The following GATA3 variants were observed in gnomAD, a reference collection of about 807,000 sequenced individuals.
GATA3 encodes GATA binding protein 3.
GATA3 carries 6 observed loss-of-function variants against 36.0 expected under a neutral mutation model. That is an observed-to-expected ratio of 0.17 (90% confidence interval 0.09 to 0.33). The LOEUF (loss-of-function observed/expected upper bound fraction) is 0.33. Ranked by LOEUF, GATA3 falls within the 10% of genes least tolerant of loss-of-function variation. The pLI, the probability that GATA3 is intolerant of heterozygous loss-of-function variation, is 1.00. For missense variants in GATA3, 514 were observed against 610.1 expected (o/e 0.84, Z 1.66); for synonymous variants, 326 against 273.0 (o/e 1.19, Z -1.92).
In GATA3 at chr10:8,074,076, C is replaced by A. The variant is rs1034868505; in HGVS notation, c.*53C>A. 6.3e-7 allele frequency: 1 copy of A among 1,587,038 alleles called. No homozygotes were observed. Among genetic ancestry groups the A allele is most frequent in the South Asian group, 1.1e-5 (1 of 89,084 alleles). Reference sequence around the variant, plus strand: ...CAGCGAGAGTCCCTGCAGTCCCTTTCGACTTGCATTTTTGCAGGAGCAGTA... The same window carrying A: ...CAGCGAGAGTCCCTGCAGTCCCTTTAGACTTGCATTTTTGCAGGAGCAGTA... On this transcript the variant is annotated 3_prime_UTR_variant, in exon 6 of 6. Transcript: ENST00000379328.
chr10:8,061,710 C>T (rs1183147009), intron 3 of GATA3, among the ~76,000 whole-genome samples: 3 of 152,208 alleles, frequency 2.0e-5, no homozygotes, highest in South Asian at 2.1e-4. Context: ...AAGAGGTAAC[C>T]GTTGCTAGCT....
At chr10:8,057,943 C>CCA (rs1169612106) in intron 2 of GATA3, among the ~76,000 whole-genome samples, 1 of 152,168 alleles carries the variant, frequency 6.6e-6, no homozygotes, top group Non-Finnish European at 1.5e-5. Flanking sequence ...AAGTCAGGTT[C>CCA]TAGAGAGAGA....
In GATA3 at chr10:8,058,503, G is replaced by A. The variant is rs1166016520; in HGVS notation, c.440G>A (p.Ser147Asn). 36 of 1,612,072 alleles carry A rather than the reference G, an allele frequency of 2.2e-5. No homozygotes were observed. In the East Asian group the frequency reaches 8.0e-4, roughly 36 times the overall value. ...SSSSLSGGHA[S>N]PHLFTFPPTP... is the part of the protein sequence containing the mutation. ...TCCTCCTTGTCGGGGGGCCACGCCA[G>A]CCCGCACCTCTTCACCTTCCCGCCC... Residue 147 changes from serine to asparagine, a missense_variant, in exon 3 of 6, where the codon AGC becomes AAC. Physicochemically the swap from Ser to Asn is conservative, Grantham distance 46. Transcript: ENST00000379328.
At position 8,055,942 on chromosome 10, in the gene GATA3, G is replaced by T; in HGVS notation, c.241+46G>T. 5.2e-6 allele frequency: 8 copies of T among 1,549,396 alleles called. No homozygotes were observed. Among genetic ancestry groups the T allele is most frequent in the Non-Finnish European group, 6.1e-6 (7 of 1,146,144 alleles). On this transcript the variant is annotated intron_variant, in intron 2 of 5. Transcript: ENST00000379328. The surrounding 1 kb of genome is among the most constrained non-coding windows in gnomAD (Gnocchi z 5.4). ...GGGGCTCCCGCCGGCCGCTTCAGCCGTCCCGGCTCGGGGAGGTCGGGAGGG... is the reference window on the plus strand; with the variant it reads ...GGGGCTCCCGCCGGCCGCTTCAGCCTTCCCGGCTCGGGGAGGTCGGGAGGG...
chr10:8,056,966 C>T (rs1272366815), intron 2 of GATA3, among the ~76,000 whole-genome samples: 1 of 152,194 alleles, frequency 6.6e-6, no homozygotes, highest in East Asian at 1.9e-4. Flanking sequence ...TCAGAGCCTG[C>T]CTTGACACGG....
intron 2 of GATA3, among the ~76,000 whole-genome samples, chr10:8,056,920 G>A (rs1832649432): frequency 6.6e-6 from 1 of 152,176 alleles, no homozygotes; most frequent in Non-Finnish European, 1.5e-5. Context: ...GGCTTTCTGA[G>A]TCCAGCCAGA....
intron 1 of GATA3, among the ~76,000 whole-genome samples, chr10:8,047,636 A>C (rs1239080499): frequency 6.6e-6 from 1 of 152,226 alleles, no homozygotes; most frequent in Non-Finnish European, 1.5e-5. Context: ...GCAGCGGGCA[A>C]GAAGCTGCTG....
At chr10:8,049,013 G>C (rs962489664), upstream of GATA3, among the ~76,000 whole-genome samples, 1 of 152,046 alleles carries the variant, frequency 6.6e-6, no homozygotes, top group African/African-American at 2.4e-5. Flanking sequence ...CTCTCCCCAC[G>C]GCTCGCGGCT....
Position 8,063,911 on chromosome 10 carries a change from G to T in GATA3, c.779-82G>T, listed in dbSNP as rs35566387. On this transcript the variant is annotated intron_variant, in intron 3 of 5. Coordinates refer to ENST00000379328, the MANE Select transcript of GATA3 (RefSeq NM_001002295.2). The stretch of plus-strand genomic sequence containing the variant: ...GAAGGAAAAAAGTTCTCCATTTTAC[G>T]TTTCTCCCCCAGTTCCAAATGCTGT... 270 of 1,597,222 alleles carry T rather than the reference G, an allele frequency of 1.7e-4. 2 individuals carry two copies. The Admixed American group carries it at 4.0e-3, about 23-fold the overall frequency.
At chr10:8,052,754 T>C (rs916916080), upstream of GATA3, 1 of 152,138 alleles carries the variant, frequency 6.6e-6, no homozygotes, top group East Asian at 1.9e-4. Flanking sequence ...TTAAAAGGTT[T>C]AGAGAGCGCT....
chr10:8,058,866 C>A (rs1257235979), intron 3 of GATA3, 25 bp downstream of exon 3: 2 of 1,596,424 alleles, frequency 1.3e-6, no homozygotes, highest in East Asian at 2.2e-5. Context: ...TTCCCTGGAG[C>A]CTTTTCTCCT....
Position 8,055,704 on chromosome 10 carries a change from G to C in GATA3, c.49G>C (p.Ala17Pro). The C allele has an allele frequency of 1.3e-6, 2 of 1,562,632 alleles. No individual in the cohort carries two copies. Among genetic ancestry groups the C allele is most frequent in the African/African-American group, 1.4e-5 (1 of 73,796 alleles). Residue 17 changes from alanine (A) to proline (P), a missense_variant, in exon 2 of 6, where the codon GCC becomes CCC. Ala to Pro is a conservative substitution (Grantham distance 27). This residue lies in a region of GATA3 where 381 missense variants were observed against 354.3 expected (regional missense o/e 1.08). Transcript: ENST00000379328. The surrounding 1 kb of genome is among the most constrained non-coding windows in gnomAD (Gnocchi z 5.4). Reference protein sequence around the residue: ...QPRWVSHHHPAVLNGQHPDTH... With the variant: ...QPRWVSHHHPPVLNGQHPDTH... ...GCGCTGGGTGAGCCACCACCACCCCGCCGTGCTCAACGGGCAGCACCCGGA... is the reference window on the plus strand; with the variant it reads ...GCGCTGGGTGAGCCACCACCACCCCCCCGTGCTCAACGGGCAGCACCCGGA...
chr10:8,066,255 T>C (rs1832840320), intron 4 of GATA3, among the ~76,000 whole-genome samples: 1 of 152,162 alleles, frequency 6.6e-6, no homozygotes, highest in Non-Finnish European at 1.5e-5. Flanking sequence ...TCACCTTTCA[T>C]AGGAAATCTC....
At chr10:8,064,863 C>T (rs1378803084) in intron 4 of GATA3, among the ~76,000 whole-genome samples, 7 of 152,206 alleles carry the variant, frequency 4.6e-5, no homozygotes, top group Admixed American at 2.0e-4. Context: ...TCTCCTCTCT[C>T]ATTATTCTTT....
chr10:8,064,100 G>A lies in GATA3; in HGVS notation c.886G>A (p.Gly296Arg), dbSNP rs2131501023. The A allele has an allele frequency of 6.2e-7, 1 of 1,614,066 alleles. No individual in the cohort carries two copies. The highest frequency in any genetic ancestry group is 8.5e-7 in the Non-Finnish European group (1 of 1,180,018). Residue 296 changes from glycine (G) to arginine (R), a missense_variant, in exon 4 of 6, where the codon GGA becomes AGA. Physicochemically the swap from Gly to Arg is moderately radical, Grantham distance 125. Coordinates refer to ENST00000379328, the MANE Select transcript of GATA3 (RefSeq NM_001002295.2). ...NACGLYHKMNGQNRPLIKPKR... is the reference protein window; with the variant it reads ...NACGLYHKMNRQNRPLIKPKR... ...CTGCGGGCTCTATCACAAAATGAAC[G>A]GACAGAACCGGCCCCTCATTAAGCC...
At chr10:8,067,228 A>G (rs985152475) in intron 4 of GATA3, among the ~76,000 whole-genome samples, 37 of 152,192 alleles carry the variant, frequency 2.4e-4, no homozygotes, top group South Asian at 1.9e-3. Flanking sequence ...CTCATGGACA[A>G]TGTGAATTAC....
chr10:8,047,350 A>G (rs750627614), intron 1 of GATA3, among the ~76,000 whole-genome samples: 15 of 152,002 alleles, frequency 9.9e-5, no homozygotes, highest in Non-Finnish European at 1.9e-4. Flanking sequence ...TCCCAAAACC[A>G]CCTCTGTCCT....
At position 8,056,596 on chromosome 10, in the gene GATA3, C is replaced by T. The variant is rs11567890; in HGVS notation, c.241+700C>T. On this transcript the variant is annotated intron_variant, in intron 2 of 5. Transcript: ENST00000379328. ...AGGGATCTGAGATTTCCCAGATTCC[C>T]GGCTGCACAGAATTTTCTTGCGTCT... Among the ~76,000 whole-genome samples, 531 of 152,234 alleles carry T rather than the reference C, an allele frequency of 3.5e-3. 3 individuals carry two copies. The highest frequency in any genetic ancestry group is 0.012 in the African/African-American group (512 of 41,538).
chr10:8,049,079 AAAACAAAC>A (rs924299880), upstream of GATA3, among the ~76,000 whole-genome samples: 1 of 150,250 alleles, frequency 6.7e-6, no homozygotes, highest in East Asian at 1.9e-4. Context: ...ATGAATAAGC[AAAACAAAC>A]AAACAAACAG....
Sources: gnomAD v4.1 joint callset for allele counts (sites outside exome capture counted in the v4.1 genomes callset) on GRCh38, gnomAD v4.1.1 for gene constraint, gnomAD v4.1.1 regional missense constraint, Gnocchi (gnomAD v3.1) non-coding constraint, MANE v1.5 for transcripts, NCBI Gene and HGNC (gene_info 2026-07-23, HGNC 2026-07-21) for gene names.